The following LDLRAD4 variants were observed in gnomAD, a reference collection of about 807,000 sequenced individuals.
LDLRAD4 encodes the protein low density lipoprotein receptor class A domain containing 4.
Under a neutral mutation model 17.0 loss-of-function variants are expected in LDLRAD4, and 5 were observed. The observed-to-expected ratio is 0.29, with a 90% CI of 0.15 to 0.62. The LOEUF (loss-of-function observed/expected upper bound fraction) is 0.62. Among genes scored for constraint, LDLRAD4 ranks in the 20% least tolerant of loss-of-function variants. LDLRAD4 has a pLI of 0.84. For synonymous variants in LDLRAD4, 168 were observed against 171.8 expected, an observed-to-expected ratio of 0.98 and a Z score of 0.17; for missense variants, 340 against 424.7, an observed-to-expected ratio of 0.80 and a Z score of 1.75.
chr18:13,328,780 C>T (rs1207205699), intron 1 of LDLRAD4, among the ~76,000 whole-genome samples: 1 of 152,144 alleles, frequency 6.6e-6, no homozygotes, highest in Non-Finnish European at 1.5e-5. Context: ...AAAAGTTTCC[C>T]TCCTATGCCT....
intron 1 of LDLRAD4, among the ~76,000 whole-genome samples, chr18:13,226,728 T>TA (rs1415409502): frequency 2.0e-5 from 3 of 150,758 alleles, no homozygotes; most frequent in Non-Finnish European, 4.4e-5. Context: ...TAAAATAAAA[T>TA]AAAATAAAAT....
intron 1 of LDLRAD4, among the ~76,000 whole-genome samples, chr18:13,247,854 C>T (rs1028261324): frequency 6.6e-5 from 10 of 152,042 alleles, no homozygotes; most frequent in African/African-American, 2.2e-4. Flanking sequence ...CTGGAGAACC[C>T]GCTCACTCTG....
At chr18:13,396,053 A>C (rs2086665332) in intron 2 of LDLRAD4, among the ~76,000 whole-genome samples, 1 of 152,212 alleles carries the variant, frequency 6.6e-6, no homozygotes, top group African/African-American at 2.4e-5. Context: ...GGGGGAACCC[A>C]GAAATGGGAT....
chr18:13,606,419 T>C (rs2095224897), intron 3 of LDLRAD4, among the ~76,000 whole-genome samples: 1 of 152,226 alleles, frequency 6.6e-6, no homozygotes, highest in Non-Finnish European at 1.5e-5. Flanking sequence ...AGCTGTTTAA[T>C]CTGAACTAAT....
chr18:13,532,190 G>A (rs912202625), intron 3 of LDLRAD4, among the ~76,000 whole-genome samples: 2 of 152,196 alleles, frequency 1.3e-5, no homozygotes, highest in African/African-American at 4.8e-5. Flanking sequence ...GCACCCCGCC[G>A]TGCATGCGGT....
At chr18:13,378,109 G>A (rs756243451) in intron 1 of LDLRAD4, among the ~76,000 whole-genome samples, 19 of 152,208 alleles carry the variant, frequency 1.2e-4, no homozygotes, top group Non-Finnish European at 2.4e-4. Flanking sequence ...CTTTGTGAAC[G>A]CAGGCGACTG....
chr18:13,525,120 A>G (rs2094009981), intron 3 of LDLRAD4, among the ~76,000 whole-genome samples: 1 of 152,162 alleles, frequency 6.6e-6, no homozygotes, highest in African/African-American at 2.4e-5. Flanking sequence ...ATTCATCTGG[A>G]TACGGTGCTT....
chr18:13,600,473 C>T (rs2095148455), intron 3 of LDLRAD4, among the ~76,000 whole-genome samples: 1 of 152,186 alleles, frequency 6.6e-6, no homozygotes, highest in African/African-American at 2.4e-5. Flanking sequence ...TGACCAGCAT[C>T]CAACTGCATC....
At chr18:13,410,075 C>T (rs1466791071) in intron 2 of LDLRAD4, among the ~76,000 whole-genome samples, 1 of 152,130 alleles carries the variant, frequency 6.6e-6, no homozygotes, top group Non-Finnish European at 1.5e-5. Context: ...TGATAAGACA[C>T]CGCACAGACC....
chr18:13,578,692 G>A (rs1049304120), intron 3 of LDLRAD4, among the ~76,000 whole-genome samples: 2 of 152,072 alleles, frequency 1.3e-5, no homozygotes, highest in South Asian at 2.1e-4. Flanking sequence ...GCTTCTTAGC[G>A]AACCATAATA....
At chr18:13,544,176 A>G (rs1273684006) in intron 3 of LDLRAD4, among the ~76,000 whole-genome samples, 3 of 152,234 alleles carry the variant, frequency 2.0e-5, no homozygotes, top group Non-Finnish European at 4.4e-5. Flanking sequence ...GGGAAACTTT[A>G]GTGAAAAACG....
At chr18:13,567,009 A>G (rs894514977) in intron 3 of LDLRAD4, among the ~76,000 whole-genome samples, 11 of 152,304 alleles carry the variant, frequency 7.2e-5, no homozygotes, top group African/African-American at 2.6e-4. Flanking sequence ...GGAGTCACAC[A>G]GCGTGTGTGA....
At chr18:13,332,804 C>A (rs924450017) in intron 1 of LDLRAD4, among the ~76,000 whole-genome samples, 3 of 147,166 alleles carry the variant, frequency 2.0e-5, no homozygotes, top group Non-Finnish European at 4.5e-5. Flanking sequence ...GTTTGTTTAT[C>A]CACTCTTCTA....
At chr18:13,527,930 C>T (rs545061948) in intron 3 of LDLRAD4, among the ~76,000 whole-genome samples, 101 of 152,288 alleles carry the variant, frequency 6.6e-4, no homozygotes, top group African/African-American at 2.3e-3. Flanking sequence ...TTGCCTCCTG[C>T]TTTAGCCTGG....
intron 3 of LDLRAD4, among the ~76,000 whole-genome samples, chr18:13,493,990 G>A (rs543077292): frequency 1.4e-4 from 22 of 152,336 alleles, no homozygotes; most frequent in Non-Finnish European, 2.6e-4. Context: ...ACGCGGTGCC[G>A]CAATCCTGCC....
intron 3 of LDLRAD4, among the ~76,000 whole-genome samples, chr18:13,581,222 G>A (rs1386139398): frequency 6.6e-6 from 1 of 152,190 alleles, no homozygotes; most frequent in Non-Finnish European, 1.5e-5. Context: ...GAGGTCAGTG[G>A]TGGACTATTC....
intron 3 of LDLRAD4, among the ~76,000 whole-genome samples, chr18:13,446,982 G>A (rs4796981): frequency 0.02 from 3,075 of 152,262 alleles, 160 homozygotes; most frequent in East Asian, 0.18. Flanking sequence ...GGTCTTCCAG[G>A]TTGTGGTGTT....
intron 3 of LDLRAD4, among the ~76,000 whole-genome samples, chr18:13,519,477 T>C (rs905012834): frequency 2.0e-5 from 3 of 152,138 alleles, no homozygotes; most frequent in African/African-American, 7.2e-5. Context: ...TTAGCAGAAA[T>C]GGGCCAGGCG....
intron 1 of LDLRAD4, among the ~76,000 whole-genome samples, chr18:13,352,927 C>G (rs1599620183): frequency 6.6e-6 from 1 of 152,076 alleles, no homozygotes; most frequent in South Asian, 2.1e-4. Flanking sequence ...TGTTTTTCAG[C>G]TCTAGAATTT....
Sources: gnomAD v4.1 joint callset for allele counts (sites outside exome capture counted in the v4.1 genomes callset) on GRCh38, gnomAD v4.1.1 for gene constraint, MANE v1.5 for transcripts, NCBI Gene and HGNC (gene_info 2026-07-23, HGNC 2026-07-21) for gene names.